ST18: variants seen among roughly 807,000 people sequenced by gnomAD.
ST18 encodes suppression of tumorigenicity 18 protein.
Under a neutral mutation model 110.0 loss-of-function variants are expected in ST18, and 50 were observed. That is an observed-to-expected ratio of 0.45 (90% CI 0.36 to 0.58). ST18 has a LOEUF of 0.58. ST18 is among the 20% of genes least tolerant of loss of function. ST18 has a pLI of 0.00. For synonymous variants in ST18, 461 were observed against 452.4 expected (o/e 1.02, Z -0.24); for missense variants, 1,306 against 1,280.1 (o/e 1.02, Z -0.31).
At chr8:52,299,325 C>T (rs1299963581) in intron 2 of ST18, among the ~76,000 whole-genome samples, 1 of 152,068 alleles carries the variant, frequency 6.6e-6, no homozygotes, top group Non-Finnish European at 1.5e-5. Context: ...GAATTCAATT[C>T]TCTCTTTAAT....
intron 6 of ST18, among the ~76,000 whole-genome samples, chr8:52,215,703 CG>C (rs564947022): frequency 6.6e-6 from 1 of 152,090 alleles, no homozygotes; most frequent in Non-Finnish European, 1.5e-5. Context: ...ACAATAAAAC[CG>C]GGGTGATTTT....
chr8:52,143,213 G>A (rs924114592), intron 16 of ST18, among the ~76,000 whole-genome samples, 168 bp from the exon 17 acceptor site: 4 of 152,192 alleles, frequency 2.6e-5, no homozygotes, highest in Admixed American at 6.5e-5. Context: ...TAGGCCAGGC[G>A]AGGTGGCTGA....
intron 2 of ST18, among the ~76,000 whole-genome samples, chr8:52,235,149 A>T (rs1329438272): frequency 3.3e-5 from 5 of 152,186 alleles, no homozygotes; most frequent in Admixed American, 2.0e-4. Flanking sequence ...CATTAATAAA[A>T]ATTACACGAT....
At chr8:52,367,236 T>TCTCACACACACACACA (rs1554851169) in intron 2 of ST18, among the ~76,000 whole-genome samples, 2 of 120,190 alleles carry the variant, frequency 1.7e-5, no homozygotes, top group Admixed American at 9.0e-5. Flanking sequence ...GGACCCTGTC[T>TCTCACACACACACACA]CACACACACA....
intron 2 of ST18, among the ~76,000 whole-genome samples, chr8:52,351,666 G>A (rs1166567995): frequency 6.6e-6 from 1 of 152,226 alleles, no homozygotes; most frequent in South Asian, 2.1e-4. Context: ...AAGTGGGAGA[G>A]AGAAAAATAC....
intron 2 of ST18, among the ~76,000 whole-genome samples, chr8:52,257,394 C>A (rs1237683213): frequency 6.6e-6 from 1 of 152,152 alleles, no homozygotes; most frequent in Non-Finnish European, 1.5e-5. Flanking sequence ...ATATACCTTT[C>A]CCCCAGCAGT....
At position 52,161,425 on chromosome 8, in the gene ST18, C is replaced by T. The variant is rs376716506; in HGVS notation, c.1544G>A (p.Arg515His). 2.7e-5 allele frequency: 44 copies of T among 1,613,974 alleles called. No individual in the cohort carries two copies. Among genetic ancestry groups the T allele is most frequent in the Admixed American group, 6.7e-5 (4 of 59,990 alleles). ...TCCTTGCACTGTTTGTATGAGAGGGCGTTTACCGAAAACTTGGGCATCAAA... is the reference window on the plus strand; with the variant it reads ...TCCTTGCACTGTTTGTATGAGAGGGTGTTTACCGAAAACTTGGGCATCAAA... ...ASFDAQVFGK[R>H]PLIQTVQGRK... The change falls in exon 14 of 26, where the codon CGC becomes CAC. Residue 515 changes from arginine (R) to histidine (H), a missense_variant. Physicochemically the swap from Arg to His is conservative, Grantham distance 29. Coordinates refer to ENST00000689386, the MANE Select transcript of ST18 (RefSeq NM_001352837.2).
At chr8:52,221,018 GA>G (rs2086450169) in intron 4 of ST18, among the ~76,000 whole-genome samples, 170 bp from the exon 5 acceptor site, 1 of 152,042 alleles carries the variant, frequency 6.6e-6, no homozygotes, top group African/African-American at 2.4e-5. Flanking sequence ...TATCAATGGG[GA>G]AAAATAGTTT....
At chr8:52,214,048 C>T (rs1181650481) in intron 7 of ST18, among the ~76,000 whole-genome samples, 155 bp downstream of exon 7, 1 of 152,188 alleles carries the variant, frequency 6.6e-6, no homozygotes, top group African/African-American at 2.4e-5. Flanking sequence ...TATTTTGCCT[C>T]TCCGTGCCAA....
chr8:52,211,581 T>C (rs1335699470), intron 8 of ST18, among the ~76,000 whole-genome samples: 1 of 151,988 alleles, frequency 6.6e-6, no homozygotes, highest in African/African-American at 2.4e-5. Context: ...TAATTTTTTA[T>C]ATTTTAGTAG....
intron 9 of ST18, among the ~76,000 whole-genome samples, chr8:52,175,201 A>G (rs535873518): frequency 2.0e-5 from 3 of 152,286 alleles, no homozygotes; most frequent in South Asian, 2.1e-4. Flanking sequence ...GGAATACCCA[A>G]TAGGTATCCA....
chr8:52,118,565 G>C, intron 23 of ST18, 124 bp from the exon 24 acceptor site: 1 of 534,086 alleles, frequency 1.9e-6, no homozygotes, highest in East Asian at 3.2e-5. Context: ...CCAAAACAAT[G>C]CATATCTAGG....
rs201165664 is a variant in ST18 at position 52,202,415 on chromosome 8, G to GT, written c.86+9663dup. Among the ~76,000 whole-genome samples the GT allele has an allele frequency of 1.5e-3, 232 of 150,088 alleles. 4 individuals carry two copies. Among genetic ancestry groups the GT allele is most frequent in the South Asian group, 0.011 (52 of 4,756 alleles). On this transcript the variant is annotated intron_variant, in intron 8 of 25. Transcript: ENST00000689386. Reference sequence around the variant, plus strand: ...AAAAGGCAGAATTATATATGATAAAGTTTTTTTTTTAAATATAGGTTTTTC... The same window carrying GT: ...AAAAGGCAGAATTATATATGATAAAGTTTTTTTTTTTAAATATAGGTTTTTC...
chr8:52,265,613 G>A (rs1233599863), intron 2 of ST18, among the ~76,000 whole-genome samples: 1 of 152,172 alleles, frequency 6.6e-6, no homozygotes, highest in Non-Finnish European at 1.5e-5. Flanking sequence ...AGAATTTGCT[G>A]GTGGTGAGAT....
chr8:52,242,132 A>C (rs1456155559), intron 2 of ST18, among the ~76,000 whole-genome samples: 1 of 152,240 alleles, frequency 6.6e-6, no homozygotes, highest in Admixed American at 6.5e-5. Context: ...CTTGCAGATT[A>C]ATCTATAATA....
chr8:52,152,030 G>A (rs2132598485), intron 15 of ST18, among the ~76,000 whole-genome samples: 1 of 152,308 alleles, frequency 6.6e-6, no homozygotes, highest in Middle Eastern at 3.4e-3. Flanking sequence ...ATAGATTCTA[G>A]GAGTTGTTAC....
intron 2 of ST18, among the ~76,000 whole-genome samples, chr8:52,263,478 C>G (rs1457595679): frequency 2.6e-5 from 4 of 152,170 alleles, no homozygotes; most frequent in Non-Finnish European, 5.9e-5. Context: ...TATCTATTAG[C>G]ATGGCACTCT....
intron 2 of ST18, among the ~76,000 whole-genome samples, chr8:52,269,205 G>A (rs6996681): frequency 0.056 from 8,598 of 152,246 alleles, 819 homozygotes; most frequent in African/African-American, 0.2. Flanking sequence ...CCCTCTATCT[G>A]GATGTGGACT....
At chr8:52,400,929 A>T (rs909444671) in intron 2 of ST18, among the ~76,000 whole-genome samples, 2 of 152,116 alleles carry the variant, frequency 1.3e-5, no homozygotes, top group African/African-American at 4.8e-5. Flanking sequence ...TTATATTGTC[A>T]TATGTTTTCA....
Sources: gnomAD v4.1 joint callset for allele counts (sites outside exome capture counted in the v4.1 genomes callset) on GRCh38, gnomAD v4.1.1 for gene constraint, MANE v1.5 for transcripts, NCBI Gene and HGNC (gene_info 2026-07-23, HGNC 2026-07-21) for gene names.